ADGRL4: variants seen among roughly 807,000 people sequenced by gnomAD.
ADGRL4 encodes adhesion G protein-coupled receptor L4, also known as EGF, latrophilin and seven transmembrane domain containing 1.
Under a neutral mutation model 74.8 loss-of-function variants are expected in ADGRL4, and 90 were observed. The ratio of observed to expected loss-of-function variants is 1.20; its 90% CI spans 1.02 to 1.43. ADGRL4 has a LOEUF of 1.43. Among genes scored for constraint, ADGRL4 ranks in the 40% most tolerant of loss-of-function variants. The pLI, the probability that ADGRL4 is intolerant of heterozygous loss-of-function variation, is 0.00. For synonymous variants in ADGRL4, 311 were observed against 279.2 expected, an observed-to-expected ratio of 1.11 and a Z score of -1.14; for missense variants, 881 against 814.3, an observed-to-expected ratio of 1.08 and a Z score of -1.00.
intron 2 of ADGRL4, 126 bp from the exon 3 acceptor site, chr1:78,946,552 CCTTA>C (rs2100695764): frequency 1.4e-6 from 1 of 718,946 alleles, no homozygotes; most frequent in Non-Finnish European, 2.2e-6. Context: ...TATCTACAAA[CCTTA>C]GTGCTAAAGA....
At chr1:78,936,497 C>T in intron 6 of ADGRL4, 86 bp from the exon 7 acceptor site, 2 of 1,176,262 alleles carry the variant, frequency 1.7e-6, no homozygotes, top group Non-Finnish European at 2.3e-6. Context: ...ACAATTTCAT[C>T]CATCATTATT....
intron 2 of ADGRL4, among the ~76,000 whole-genome samples, chr1:78,978,243 G>A (rs1247961790): frequency 2.0e-5 from 3 of 151,884 alleles, no homozygotes; most frequent in South Asian, 4.1e-4. Flanking sequence ...CTATTGTCAT[G>A]TCCCAGATTT....
At position 78,893,162 on chromosome 1, in the gene ADGRL4, T is replaced by C. The variant is rs527781737; in HGVS notation, c.1777A>G (p.Ile593Val). 1 of 1,604,568 alleles carries C rather than the reference T, an allele frequency of 6.2e-7. No homozygotes were observed. Residue 593 changes from isoleucine to valine, a missense_variant, in exon 13 of 15, where the codon ATA becomes GTA. Transcript: ENST00000370742. ...LVNLLAFGVI[I>V]YKVFRHTAGL... Reference sequence around the variant, plus strand: ...GCAGTGTGACGAAAAACTTTGTATATGATGACTCCAAAAGCCAAGAGATTA... The same window carrying C: ...GCAGTGTGACGAAAAACTTTGTATACGATGACTCCAAAAGCCAAGAGATTA...
chr1:78,955,190 T>C (rs1050916713), intron 2 of ADGRL4, among the ~76,000 whole-genome samples: 2 of 152,132 alleles, frequency 1.3e-5, no homozygotes, highest in Admixed American at 1.3e-4. Flanking sequence ...TAAATATTAC[T>C]GAGTACAGAA....
chr1:78,930,405 T>G (rs1173919601), intron 7 of ADGRL4, among the ~76,000 whole-genome samples: 2 of 149,940 alleles, frequency 1.3e-5, no homozygotes, highest in Non-Finnish European at 2.9e-5. Flanking sequence ...TAAATTGAAA[T>G]AGTAACTACT....
intron 12 of ADGRL4, among the ~76,000 whole-genome samples, chr1:78,907,902 AT>A: frequency 1.3e-5 from 2 of 152,050 alleles, no homozygotes; most frequent in Admixed American, 1.3e-4. Flanking sequence ...GCTGGTTGTC[AT>A]TTTGATCAGA....
chr1:78,909,487 G>A (rs1033830489), intron 12 of ADGRL4, among the ~76,000 whole-genome samples: 2 of 151,846 alleles, frequency 1.3e-5, no homozygotes, highest in Admixed American at 6.6e-5. Flanking sequence ...GACCAGAGAT[G>A]TTCCTAAGCT....
At chr1:78,959,912 A>G (rs1459072333) in intron 2 of ADGRL4, among the ~76,000 whole-genome samples, 1 of 152,204 alleles carries the variant, frequency 6.6e-6, no homozygotes, top group Non-Finnish European at 1.5e-5. Context: ...TATATACAAG[A>G]ATATTCACAG....
intron 2 of ADGRL4, among the ~76,000 whole-genome samples, chr1:78,971,800 A>G (rs1002274860): frequency 2.6e-5 from 4 of 152,202 alleles, no homozygotes; most frequent in Non-Finnish European, 5.9e-5. Flanking sequence ...CTTGTTGTCC[A>G]GGCTGGAGTG....
At chr1:78,988,999 C>A (rs1650551629) in intron 2 of ADGRL4, among the ~76,000 whole-genome samples, 1 of 151,696 alleles carries the variant, frequency 6.6e-6, no homozygotes. Context: ...ATACTAAAAT[C>A]TGTCATCTAT....
intron 2 of ADGRL4, among the ~76,000 whole-genome samples, chr1:78,978,455 T>TA (rs994642767): frequency 1.3e-5 from 2 of 151,940 alleles, no homozygotes; most frequent in African/African-American, 4.8e-5. Flanking sequence ...AATTTCCAGG[T>TA]AAAAAATAGT....
chr1:78,951,607 G>A (rs890432025), intron 2 of ADGRL4, among the ~76,000 whole-genome samples: 1 of 152,152 alleles, frequency 6.6e-6, no homozygotes, highest in African/African-American at 2.4e-5. Flanking sequence ...TTATTTCAGG[G>A]AAAACACATA....
chr1:78,988,048 C>T (rs973967047), intron 2 of ADGRL4, among the ~76,000 whole-genome samples: 5 of 151,360 alleles, frequency 3.3e-5, no homozygotes, highest in Admixed American at 6.6e-5. Context: ...AGGAAACTTG[C>T]AAAATGTATT....
intron 12 of ADGRL4, among the ~76,000 whole-genome samples, chr1:78,913,424 C>T (rs1055348863): frequency 4.6e-5 from 7 of 151,928 alleles, no homozygotes; most frequent in Admixed American, 6.6e-5. Flanking sequence ...GCATATACAC[C>T]GTGGAATACT....
chr1:78,926,367 A>C (rs1158227908), intron 8 of ADGRL4, among the ~76,000 whole-genome samples: 1 of 151,808 alleles, frequency 6.6e-6, no homozygotes, highest in Non-Finnish European at 1.5e-5. Context: ...GTATAGCTTT[A>C]ATTATGTATG....
chr1:79,004,985 A>G, intron 2 of ADGRL4, 85 bp downstream of exon 2: 1 of 1,294,616 alleles, frequency 7.7e-7, no homozygotes, highest in Non-Finnish European at 1.1e-6. Context: ...ACACAAAACA[A>G]GTTAGTTTCT....
chr1:79,003,292 A>C (rs990684690), intron 2 of ADGRL4, among the ~76,000 whole-genome samples: 2 of 152,110 alleles, frequency 1.3e-5, no homozygotes, highest in African/African-American at 4.8e-5. Flanking sequence ...CAGTGAATTA[A>C]TAAAAGGTGA....
intron 8 of ADGRL4, among the ~76,000 whole-genome samples, chr1:78,925,194 A>T (rs532174934): frequency 2.6e-5 from 4 of 152,014 alleles, no homozygotes; most frequent in Middle Eastern, 3.2e-3. Context: ...TGGACTCTGG[A>T]GGAAGGCTGC....
At chr1:78,918,493 G>A (rs973276447) in intron 10 of ADGRL4, among the ~76,000 whole-genome samples, 16 of 151,788 alleles carry the variant, frequency 1.1e-4, no homozygotes, top group Non-Finnish European at 1.5e-4. Context: ...AAATATCTTA[G>A]ATGACAAAAA....
Sources: allele counts gnomAD v4.1 joint callset (sites outside exome capture counted in the v4.1 genomes callset), GRCh38; gene constraint gnomAD v4.1.1; transcripts MANE v1.5; gene names NCBI Gene and HGNC (gene_info 2026-07-23, HGNC 2026-07-21).